The following CFHR5 variants were observed in gnomAD, a reference collection of about 807,000 sequenced individuals.
CFHR5 encodes complement factor H-related protein 5.
In CFHR5, 73 loss-of-function variants were observed where a neutral mutation model predicts 62.9. The observed-to-expected ratio is 1.16, with a 90% CI of 0.96 to 1.41. CFHR5 has a LOEUF of 1.41. Ranked by LOEUF, CFHR5 falls within the 40% of genes most tolerant of loss-of-function variation. The probability of loss-of-function intolerance (pLI) is 0.00; values close to 1 mark genes in which losing one functional copy is unlikely to be tolerated. For synonymous variants in CFHR5, 249 were observed against 227.2 expected (o/e 1.10, Z -0.86); for missense variants, 779 against 679.9 (o/e 1.15, Z -1.62).
intron 2 of CFHR5, 66 bp downstream of exon 2, chr1:196,983,145 G>C: frequency 6.2e-7 from 1 of 1,601,726 alleles, no homozygotes; most frequent in African/African-American, 1.3e-5. Flanking sequence ...TGCCGGACAA[G>C]ATCATAAGGT....
In CFHR5 at chr1:197,005,693, C is replaced by T. The variant is rs576609052; in HGVS notation, c.1513+850C>T. 6.6e-5 allele frequency among the ~76,000 whole-genome samples: 10 copies of T among 152,238 alleles called. No homozygotes were observed. In the South Asian group the frequency reaches 1.7e-3, roughly 25 times the overall value. ...TCTGTTTTCTGGTGTCCAAAAGAGA[C>T]ACCATGGTAATAAGGATCTGTTCCT... On this transcript the variant is annotated intron_variant, in intron 9 of 9. Transcript: ENST00000256785.
chr1:197,004,544 GTAAT>G, intron 8 of CFHR5, 113 bp from the exon 9 acceptor site: 1 of 829,350 alleles, frequency 1.2e-6, no homozygotes, highest in Non-Finnish European at 2.0e-6. Flanking sequence ...CAGAAATACT[GTAAT>G]TAATTATTTG....
At position 196,992,823 on chromosome 1, in the gene CFHR5, G is replaced by T. The variant is rs16840943; in HGVS notation, c.431-1257G>T. On this transcript the variant is annotated intron_variant, in intron 3 of 9. Coordinates refer to ENST00000256785, the MANE Select transcript of CFHR5 (RefSeq NM_030787.4). ...AGTGAATTAAGACACATTCTCTTGG[G>T]ATTTGCTCAAGTAAACTGTGATCAA... Among the ~76,000 whole-genome samples, 2,248 of 152,224 alleles carry T rather than the reference G, an allele frequency of 0.015. 116 individuals are homozygous for T. In the East Asian group the frequency reaches 0.17, roughly 11 times the overall value.
intron 3 of CFHR5, among the ~76,000 whole-genome samples, chr1:196,992,062 G>C (rs1384525448): frequency 6.6e-6 from 1 of 152,206 alleles, no homozygotes; most frequent in Admixed American, 6.5e-5. Flanking sequence ...AGCTTTTCCA[G>C]CTGCTTTGTT....
At chr1:196,993,680 G>T (rs1004067527) in intron 3 of CFHR5, among the ~76,000 whole-genome samples, 5 of 151,824 alleles carry the variant, frequency 3.3e-5, no homozygotes, top group African/African-American at 1.2e-4. Context: ...TTACTTGAAG[G>T]AATTTTTTGT....
intron 1 of CFHR5, among the ~76,000 whole-genome samples, chr1:196,980,333 TATTATC>T (rs139379775): frequency 0.13 from 20,202 of 152,110 alleles, 1,657 homozygotes; most frequent in Middle Eastern, 0.22. Flanking sequence ...CATGGTCATT[TATTATC>T]ATTATCAAGT....
At chr1:196,992,133 G>C (rs1653862992) in intron 3 of CFHR5, among the ~76,000 whole-genome samples, 1 of 152,170 alleles carries the variant, frequency 6.6e-6, no homozygotes, top group Admixed American at 6.5e-5. Flanking sequence ...CTGCCTCACA[G>C]GTCGATCTCA....
intron 7 of CFHR5, among the ~76,000 whole-genome samples, chr1:197,001,523 C>A (rs1031304367): frequency 5.9e-5 from 9 of 151,424 alleles, no homozygotes; most frequent in Admixed American, 6.6e-5. Flanking sequence ...ACTTTCAATG[C>A]AATAATTTTT....
intron 4 of CFHR5, among the ~76,000 whole-genome samples, chr1:196,995,177 C>T (rs995085532): frequency 6.6e-6 from 1 of 152,090 alleles, no homozygotes; most frequent in South Asian, 2.1e-4. Flanking sequence ...TATTGACCTA[C>T]TTAAAAATCT....
chr1:196,986,150 G>C (rs1362358369), intron 3 of CFHR5, among the ~76,000 whole-genome samples: 1 of 152,088 alleles, frequency 6.6e-6, no homozygotes, highest in East Asian at 1.9e-4. Flanking sequence ...GAACACTGTG[G>C]AAAGTTAATA....
rs567158878 is a variant in CFHR5, at chr1:196,998,198, A to G, written c.1041A>G (p.Lys347=). The change falls in exon 7 of 10, where the codon AAA becomes AAG. Residue 347 remains lysine (K), a synonymous_variant. Transcript: ENST00000256785. ...AAACATTACTCAAGCTATCTGGGAAAGAATTTAATCATAATTCTAGAATAC... is the reference window on the plus strand; with the variant it reads ...AAACATTACTCAAGCTATCTGGGAAGGAATTTAATCATAATTCTAGAATAC... ...NIKTLLKLSG[K]EFNHNSRIRY... 1.2e-5 allele frequency: 19 copies of G among 1,606,436 alleles called. No homozygotes were observed. In the South Asian group the frequency reaches 2.0e-4, roughly 17 times the overall value.
At chr1:197,002,160 T>C (rs1015728857) in intron 7 of CFHR5, among the ~76,000 whole-genome samples, 2 of 152,032 alleles carry the variant, frequency 1.3e-5, no homozygotes, top group Middle Eastern at 3.2e-3. Flanking sequence ...TATGGGTTAG[T>C]TAGAAAAAAA....
At chr1:196,995,579 C>A in intron 4 of CFHR5, 138 bp from the exon 5 acceptor site, 1 of 710,888 alleles carries the variant, frequency 1.4e-6, no homozygotes, top group South Asian at 1.6e-5. Context: ...ACACTATGTA[C>A]ACTGCAAAAA....
intron 3 of CFHR5, among the ~76,000 whole-genome samples, chr1:196,986,401 G>A (rs1653683149): frequency 6.6e-6 from 1 of 151,812 alleles, no homozygotes. Context: ...TTAAGTTCTA[G>A]GGTACATGCG....
In CFHR5 at chr1:196,998,160, G is replaced by A; in HGVS notation, c.1003G>A (p.Gly335Arg). 1.3e-6 allele frequency: 2 copies of A among 1,573,684 alleles called. No homozygotes were observed. The highest frequency in any genetic ancestry group is 1.2e-5 in the South Asian group (1 of 86,034). The change falls in exon 7 of 10, where the codon GGA (glycine) becomes AGA (arginine). Residue 335 changes from glycine to arginine, a missense_variant. By Grantham distance (125) the Gly-to-Arg change is moderately radical (BLOSUM62 -2). Transcript: ENST00000256785. ...THQLKRCKIA[G>R]VNIKTLLKLS... The stretch of plus-strand genomic sequence containing the variant: ...CCAACTTAAGAGGTGCAAAATAGCA[G>A]GAGTTAATATAAAAACATTACTCAA...
intron 3 of CFHR5, 84 bp downstream of exon 3, chr1:196,984,221 T>C (rs1653622868): frequency 1.7e-6 from 2 of 1,177,304 alleles, no homozygotes; most frequent in Non-Finnish European, 2.5e-6. Flanking sequence ...AGGTTAAATA[T>C]AGGTTTCACC....
chr1:196,983,814 C>A (rs992022261), intron 2 of CFHR5, 147 bp from the exon 3 acceptor site: 19 of 564,320 alleles, frequency 3.4e-5, no homozygotes, highest in Non-Finnish European at 5.0e-5. Context: ...TATATTTCAT[C>A]ATTTATACGG....
chr1:196,992,379 G>A (rs1243878367), intron 3 of CFHR5, among the ~76,000 whole-genome samples: 1 of 151,494 alleles, frequency 6.6e-6, no homozygotes, highest in Non-Finnish European at 1.5e-5. Flanking sequence ...AAGACCACTG[G>A]AAAAGTGCAG....
chr1:196,999,597 C>T (rs935747228), intron 7 of CFHR5, among the ~76,000 whole-genome samples: 7 of 148,912 alleles, frequency 4.7e-5, no homozygotes, highest in Admixed American at 2.0e-4. Context: ...TACAAGGATA[C>T]GTAGTAAAAC....
Sources: allele counts gnomAD v4.1 joint callset (sites outside exome capture counted in the v4.1 genomes callset), GRCh38; gene constraint gnomAD v4.1.1; transcripts MANE v1.5; gene names NCBI Gene and HGNC (gene_info 2026-07-23, HGNC 2026-07-21).